The following ABCA8 variants were observed in gnomAD, a reference collection of about 807,000 sequenced individuals.
ABCA8 encodes ATP binding cassette subfamily A member 8.
In ABCA8, 177 loss-of-function variants were observed where a neutral mutation model predicts 192.3. The observed-to-expected ratio is 0.92, with a 90% CI of 0.81 to 1.04. The LOEUF (loss-of-function observed/expected upper bound fraction) is 1.04, where lower values mean the gene tolerates loss of function less well. Among genes scored for constraint, ABCA8 ranks in the 50% least tolerant of loss-of-function variants. The pLI is 0.00. For missense variants in ABCA8, 1,915 were observed against 1,904.8 expected, an observed-to-expected ratio of 1.01 and a Z score of -0.10; for synonymous variants, 642 against 690.2, an observed-to-expected ratio of 0.93 and a Z score of 1.09.
rs1598291827 is a variant in ABCA8, at chr17:68,941,874, A to G, written c.96+65T>C. ...GTCGGGGGAGATACACATGGCATAG[A>G]TAACTCCCAGGCAACACGTATTTTC... On this transcript the variant is annotated intron_variant, in intron 3 of 39. Coordinates refer to ENST00000586539, the MANE Select transcript of ABCA8 (RefSeq NM_001288985.2). The G allele has an allele frequency of 1.3e-5, 15 of 1,161,844 alleles. No homozygotes were observed. The East Asian group carries it at 2.6e-4, about 20-fold the overall frequency. 72.0% of individuals were successfully genotyped at this position (1,161,844 alleles called of 1,614,324 possible).
Position 68,884,369 on chromosome 17 carries a change from C to A in ABCA8, c.3577G>T (p.Glu1193Ter). Reference sequence around the variant, plus strand: ...AGAAATGGCTGTACATCCATTCGTTCTTCAGAAAAGAGAGAAGAAAAGAGA... The same window carrying A: ...AGAAATGGCTGTACATCCATTCGTTATTCAGAAAAGAGAGAAGAAAAGAGA... ...HLLFSSLFSE[E>*]RMDVQPFLVF... is the part of the protein sequence containing the mutation. Residue 1193 changes from glutamate to a stop codon, truncating the protein, a stop_gained, in exon 28 of 40, where the codon GAA becomes TAA. Coordinates refer to ENST00000586539, the MANE Select transcript of ABCA8 (RefSeq NM_001288985.2). LOFTEE classifies it high-confidence loss of function. 1 of 1,590,618 alleles carries A rather than the reference C, an allele frequency of 6.3e-7. No homozygotes were observed.
In ABCA8 at chr17:68,937,079, A is replaced by C; in HGVS notation, c.338T>G (p.Ile113Ser). Reference sequence around the variant, plus strand: ...AGGATAATTTGCTGTGAATTCTTTAATACTTTCCTCATCTGGCAGTCCCAA... The same window carrying C: ...AGGATAATTTGCTGTGAATTCTTTACTACTTTCCTCATCTGGCAGTCCCAA... ...EVLGLPDEES[I>S]KEFTANYPEE... Residue 113 changes from isoleucine to serine, a missense_variant, in exon 5 of 40, where the codon ATT (isoleucine) becomes AGT (serine). Transcript: ENST00000586539. 6.2e-7 allele frequency: 1 copy of C among 1,609,540 alleles called. No homozygotes were observed. Among genetic ancestry groups the C allele is most frequent in the Non-Finnish European group, 8.5e-7 (1 of 1,178,242 alleles).
chr17:68,922,192 CTCTTTTTTTTTTT>C (rs2067553677), intron 12 of ABCA8, 37 bp downstream of exon 12: 1 of 477,582 alleles, frequency 2.1e-6, no homozygotes, highest in African/African-American at 4.2e-5. Flanking sequence ...CTTTCTCTCT[CTCTTTTTTTTTTT>C]TTTTTTTTTT....
intron 2 of ABCA8, 73 bp from the exon 3 acceptor site, chr17:68,942,112 CA>C: frequency 4.4e-6 from 5 of 1,142,612 alleles, no homozygotes; most frequent in South Asian, 1.4e-5. Context: ...CTGCAAACAA[CA>C]AAAAAACGTA....
Position 68,929,187 on chromosome 17 carries a change from G to A in ABCA8, c.987C>T (p.Leu329=), listed in dbSNP as rs75793037. 16 of 1,607,830 alleles carry A rather than the reference G, an allele frequency of 1.0e-5. No homozygotes were observed. In the East Asian group the frequency reaches 3.3e-4, roughly 34 times the overall value. The change falls in exon 9 of 40, where the codon CTC becomes CTT. Residue 329 remains leucine (L), a synonymous_variant. Transcript: ENST00000586539. The part of the protein sequence containing the change: ...LMSILVKKSF[L]TGLVVFLLTV... The stretch of plus-strand genomic sequence containing the variant: ...TGAGGAGGAACACGACCAGGCCGGT[G>A]AGGAAAGATTTCTTTACCAAGATGC...
At chr17:68,904,295 AATAATAATAATAAT>A (rs2067004279) in intron 19 of ABCA8, among the ~76,000 whole-genome samples, 4 of 3,818 alleles carry the variant, frequency 1.0e-3, no homozygotes, top group Admixed American at 1.7e-3. Context: ...AAAAAGAAAT[AATAATAATAATAAT>A]AATAATAATA....
chr17:68,908,365 TC>T (rs747410389), intron 17 of ABCA8, among the ~76,000 whole-genome samples: 14 of 152,204 alleles, frequency 9.2e-5, no homozygotes, highest in Non-Finnish European at 2.1e-4. Flanking sequence ...AATGTAGTCA[TC>T]CAATGCAAAT....
intron 38 of ABCA8, 152 bp downstream of exon 38, chr17:68,869,548 C>T: frequency 1.6e-6 from 1 of 622,936 alleles, no homozygotes; most frequent in East Asian, 2.6e-5. Context: ...CCCTCTATCT[C>T]CTTGGTTTGG....
At chr17:68,899,184 A>G (rs1329186759) in intron 21 of ABCA8, among the ~76,000 whole-genome samples, 1 of 152,124 alleles carries the variant, frequency 6.6e-6, no homozygotes, top group East Asian at 1.9e-4. Context: ...AACAAAAAAG[A>G]CATGAGACAT....
intron 21 of ABCA8, among the ~76,000 whole-genome samples, chr17:68,899,439 G>A (rs1256087072): frequency 2.0e-5 from 3 of 151,856 alleles, no homozygotes; most frequent in Non-Finnish European, 4.4e-5. Context: ...TAAAACCATG[G>A]GAAAACTGGA....
At position 68,881,161 on chromosome 17, in the gene ABCA8, T is replaced by A. The variant is rs1598191282; in HGVS notation, c.3997A>T (p.Ile1333Phe). Residue 1333 changes from isoleucine to phenylalanine, a missense_variant, in exon 32 of 40, where the codon ATT becomes TTT. By Grantham distance (21) the Ile-to-Phe change is conservative. Transcript: ENST00000586539. ...TTTGTGTCTCCAGTTATCACCTTAA[T>A]GGATGTGCTTTTACCAGCTCCATTG... ...GHNGAGKSTS[I>F]KVITGDTKPT... 1 of 1,614,068 alleles carries A rather than the reference T, an allele frequency of 6.2e-7. No homozygotes were observed. The highest frequency in any genetic ancestry group is 1.7e-4 in the Middle Eastern group (1 of 6,056).
At position 68,918,511 on chromosome 17, in the gene ABCA8, AT is replaced by A; in HGVS notation, c.1823del (p.Asn608IlefsTer10). Reference sequence around the variant, plus strand: ...AGTTTTGAGCAAGAACATCCTGAATATTTTTCATTTCCAATTCCAGCAGAAC... The same window carrying A: ...AGTTTTGAGCAAGAACATCCTGAATATTTTCATTTCCAATTCCAGCAGAAC... Reference protein sequence around the residue: ...QRVLLELEMKNIQDVLAQNLS... With the variant: ...QRVLLELEMKXIQDVLAQNLS... On this transcript the variant is annotated frameshift_variant, in exon 15 of 40. Coordinates refer to ENST00000586539, the MANE Select transcript of ABCA8 (RefSeq NM_001288985.2). LOFTEE classifies it high-confidence loss of function. 2.6e-6 allele frequency: 4 copies of A among 1,522,756 alleles called. No homozygotes were observed. Among genetic ancestry groups the A allele is most frequent in the Non-Finnish European group, 3.5e-6 (4 of 1,144,008 alleles). 94.3% of individuals were successfully genotyped at this position (1,522,756 alleles called of 1,614,324 possible).
At chr17:68,946,524 C>T (rs1238081157) in intron 2 of ABCA8, among the ~76,000 whole-genome samples, 2 of 152,128 alleles carry the variant, frequency 1.3e-5, no homozygotes, top group Non-Finnish European at 2.9e-5. Context: ...CTCTCTATAT[C>T]CTCTTTTCCC....
chr17:68,913,202 TG>T (rs2067267039), intron 17 of ABCA8, among the ~76,000 whole-genome samples: 1 of 151,814 alleles, frequency 6.6e-6, no homozygotes, highest in East Asian at 1.9e-4. Context: ...TTGAAACAAA[TG>T]AAAATGGAAA....
At chr17:68,937,140 T>C in intron 4 of ABCA8, 25 bp from the exon 5 acceptor site, 1 of 1,560,406 alleles carries the variant, frequency 6.4e-7, no homozygotes, top group Non-Finnish European at 8.6e-7. Context: ...AGGAATATTA[T>C]TGTTAGTAAA....
rs1389620170 is a variant in ABCA8, at chr17:68,877,628, A to C, written c.4090T>G (p.Cys1364Gly). 1 of 1,613,836 alleles carries C rather than the reference A, an allele frequency of 6.2e-7. No individual in the cohort carries two copies. Among genetic ancestry groups the C allele is most frequent in the African/African-American group, 1.3e-5 (1 of 74,902 alleles). ...GGDALEFLGY[C>G]PQENALWPNL... is the part of the protein sequence containing the mutation. Reference sequence around the variant, plus strand: ...GGCCACAGCGCGTTCTCCTGAGGGCAGTACCCCAGGAACTCCAGGGCATCC... The same window carrying C: ...GGCCACAGCGCGTTCTCCTGAGGGCCGTACCCCAGGAACTCCAGGGCATCC... Residue 1364 changes from cysteine (C) to glycine (G), a missense_variant, in exon 33 of 40, where the codon TGC becomes GGC. Transcript: ENST00000586539.
chr17:68,932,149 G>T, intron 7 of ABCA8, 139 bp downstream of exon 7: 1 of 605,660 alleles, frequency 1.7e-6, no homozygotes, highest in Non-Finnish European at 2.8e-6. Context: ...GGCGGAGCTT[G>T]CAGTGAGCTG....
At chr17:68,918,352 A>G in intron 15 of ABCA8, 75 bp downstream of exon 15, 2 of 1,519,062 alleles carry the variant, frequency 1.3e-6, no homozygotes, top group Non-Finnish European at 1.8e-6. Flanking sequence ...TCCTTTGCGA[A>G]TAAAATATTT....
At chr17:68,882,001 TTATGTCAGACCTTAA>T in intron 30 of ABCA8, 21 bp from the exon 31 acceptor site, 1 of 1,593,130 alleles carries the variant, frequency 6.3e-7, no homozygotes, top group Non-Finnish European at 8.6e-7. Context: ...CAAGAAGTTA[TTATGTCAGACCTTAA>T]TTCTCTCCAT....
Sources: gnomAD v4.1 joint callset for allele counts (sites outside exome capture counted in the v4.1 genomes callset) on GRCh38, gnomAD v4.1.1 for gene constraint, MANE v1.5 for transcripts, NCBI Gene and HGNC (gene_info 2026-07-23, HGNC 2026-07-21) for gene names.